Variants in HDX observed in about 807,000 individuals in gnomAD.
The protein encoded by HDX is highly divergent homeobox, also known as chromosome X open reading frame 43.
A neutral mutation model predicts 45.2 loss-of-function variants in HDX; 19 were observed. The ratio of observed to expected loss-of-function variants is 0.42; its 90% CI spans 0.29 to 0.62. The LOEUF is 0.62. HDX is among the 20% of genes least tolerant of loss of function. The pLI, the probability that HDX is intolerant of heterozygous loss-of-function variation, is 0.20. For missense variants in HDX, 532 were observed against 493.9 expected (o/e 1.08, Z -0.73); for synonymous variants, 188 against 172.8 (o/e 1.09, Z -0.69).
intron 7 of HDX, among the ~76,000 whole-genome samples, chrX:84,341,590 C>T (rs1001846918): frequency 5.4e-4 from 60 of 110,618 alleles, no homozygotes; most frequent in Admixed American, 2.8e-3. Context: ...CAGTTAATTG[C>T]TTTTTTAAAG....
At chrX:84,364,865 T>C (rs901864462) in intron 5 of HDX, among the ~76,000 whole-genome samples, 1 of 111,121 alleles carries the variant, frequency 9.0e-6, no homozygotes, top group Admixed American at 9.7e-5. Flanking sequence ...TATCACTCTT[T>C]CCGTGCCTAG....
intron 4 of HDX, among the ~76,000 whole-genome samples, chrX:84,448,448 C>G (rs1248230377): frequency 9.0e-6 from 1 of 111,480 alleles, no homozygotes; most frequent in Non-Finnish European, 1.9e-5. Flanking sequence ...TGAGGCCCAT[C>G]TGAATGTCTC....
chrX:84,346,139 A>C (rs1200503385), intron 6 of HDX, among the ~76,000 whole-genome samples: 2 of 111,209 alleles, frequency 1.8e-5, no homozygotes, highest in African/African-American at 3.3e-5. Flanking sequence ...AAAATAATAA[A>C]AAATGGGTTC....
chrX:84,344,085 G>A (rs183342360), intron 7 of HDX, among the ~76,000 whole-genome samples, 165 bp downstream of exon 7: 1 of 111,735 alleles, frequency 8.9e-6, no homozygotes, highest in South Asian at 3.7e-4. Context: ...TGATGATGAT[G>A]CAGGAGACTG....
chrX:84,490,739 A>G (rs964697445), intron 1 of HDX, among the ~76,000 whole-genome samples: 3 of 109,956 alleles, frequency 2.7e-5, no homozygotes, highest in Non-Finnish European at 5.7e-5. Context: ...TTATACTTTA[A>G]GTTTTAGGGT....
intron 5 of HDX, among the ~76,000 whole-genome samples, chrX:84,408,063 A>C (rs190402776): frequency 1.8e-4 from 20 of 111,704 alleles, no homozygotes; most frequent in Admixed American, 1.0e-3. Flanking sequence ...CCCATTTATC[A>C]ATTTTTTGTT....
intron 3 of HDX, among the ~76,000 whole-genome samples, chrX:84,469,924 T>G (rs2040424562): frequency 8.9e-6 from 1 of 112,062 alleles, no homozygotes; most frequent in Admixed American, 9.5e-5. Context: ...CAAATGTAGA[T>G]AAAGTTTATA....
chrX:84,471,437 T>TTA (rs890622223), intron 3 of HDX, among the ~76,000 whole-genome samples: 1,524 of 105,778 alleles, frequency 0.014, 32 homozygotes, highest in African/African-American at 0.043. Context: ...ATTTTATATA[T>TTA]TATATATATA....
intron 5 of HDX, among the ~76,000 whole-genome samples, chrX:84,426,040 G>C (rs2039376405): frequency 9.0e-6 from 1 of 110,775 alleles, no homozygotes; most frequent in South Asian, 3.8e-4. Flanking sequence ...TGATTATTAA[G>C]CATTGCATGC....
At position 84,320,546 on chromosome X, in the gene HDX, T is replaced by C. The variant is rs1332897483; in HGVS notation, c.*1343A>G. On this transcript the variant is annotated 3_prime_UTR_variant, in exon 11 of 11. Transcript: ENST00000373177. ...AATACCTACTAGGTACCAACAAAAA[T>C]TAAAAACAAATTGGAAACAGAAACT... 8 of 110,882 alleles carry C rather than the reference T, an allele frequency of 7.2e-5. No homozygotes were observed. Among genetic ancestry groups the C allele is most frequent in the African/African-American group, 2.6e-4 (8 of 30,726 alleles). The allele number at this position is 110,882 out of a possible 1,213,427, so 9.1% of individuals were successfully genotyped here.
chrX:84,407,170 A>G (rs772159738), intron 5 of HDX, among the ~76,000 whole-genome samples: 3 of 111,273 alleles, frequency 2.7e-5, no homozygotes, highest in East Asian at 5.7e-4. Context: ...GATAATAAGC[A>G]TAGTACCTGA....
intron 4 of HDX, among the ~76,000 whole-genome samples, chrX:84,453,446 A>G (rs1481198823): frequency 9.0e-6 from 1 of 111,691 alleles, no homozygotes; most frequent in East Asian, 2.8e-4. Flanking sequence ...GGGACTTTGC[A>G]TTGAAAATCA....
chrX:84,394,012 T>A (rs2147938048), intron 5 of HDX, among the ~76,000 whole-genome samples: 1 of 111,392 alleles, frequency 9.0e-6, no homozygotes, highest in African/African-American at 3.2e-5. Flanking sequence ...CATTGAATTG[T>A]ACTCTTATCT....
At chrX:84,379,588 A>G (rs1044021709) in intron 5 of HDX, among the ~76,000 whole-genome samples, 1 of 111,833 alleles carries the variant, frequency 8.9e-6, no homozygotes, top group Non-Finnish European at 1.9e-5. Context: ...AATTTTGTAA[A>G]TTATGCAAAT....
intron 5 of HDX, among the ~76,000 whole-genome samples, chrX:84,365,100 T>C (rs1386217499): frequency 3.1e-5 from 2 of 65,495 alleles, no homozygotes; most frequent in Non-Finnish European, 5.3e-5. Flanking sequence ...TCCTGATTTC[T>C]TTTTTTTTCA....
At chrX:84,366,372 T>C (rs745847056) in intron 5 of HDX, among the ~76,000 whole-genome samples, 1 of 111,891 alleles carries the variant, frequency 8.9e-6, no homozygotes, top group Non-Finnish European at 1.9e-5. Flanking sequence ...GCTCATGGGT[T>C]GGAAGAATCA....
At chrX:84,339,194 T>G in intron 7 of HDX, among the ~76,000 whole-genome samples, 1 of 111,440 alleles carries the variant, frequency 9.0e-6, no homozygotes, top group Non-Finnish European at 1.9e-5. Flanking sequence ...ACAGGTCAAT[T>G]TAATTTTTTT....
chrX:84,399,587 A>G (rs964006039), intron 5 of HDX, among the ~76,000 whole-genome samples: 9 of 111,727 alleles, frequency 8.1e-5, no homozygotes, highest in African/African-American at 2.9e-4. Flanking sequence ...TACTAACTAA[A>G]AAAAAGCCCA....
At chrX:84,345,613 G>A (rs2037184050) in intron 6 of HDX, among the ~76,000 whole-genome samples, 1 of 111,771 alleles carries the variant, frequency 8.9e-6, no homozygotes. Context: ...TACAGGTTTT[G>A]TGTAGACATA....
Sources: gnomAD v4.1 joint callset for allele counts (sites outside exome capture counted in the v4.1 genomes callset) on GRCh38, gnomAD v4.1.1 for gene constraint, MANE v1.5 for transcripts, NCBI Gene and HGNC (gene_info 2026-07-23, HGNC 2026-07-21) for gene names.